The following NDUFAF7 variants were observed in gnomAD, a reference collection of about 807,000 sequenced individuals.
NDUFAF7 encodes the protein NADH:ubiquinone oxidoreductase complex assembly factor 7.
In NDUFAF7, 48 loss-of-function variants were observed where a neutral mutation model predicts 47.2. The observed-to-expected ratio is 1.02, with a 90% confidence interval of 0.81 to 1.29. The LOEUF is 1.29. NDUFAF7 is among the 50% of genes most tolerant of loss of function. The pLI is 0.00. For missense variants in NDUFAF7, 635 were observed against 537.6 expected (o/e 1.18, Z -1.79); for synonymous variants, 217 against 190.0 (o/e 1.14, Z -1.17).
chr2:37,232,359 C>T lies in NDUFAF7; in HGVS notation c.216+93C>T, dbSNP rs559100491. ...GAAGCCCGAAGGTTCTCAGCCCAGGCAGTGGGGGTGCCTGCCAGGGGAAGA... is the reference window on the plus strand; with the variant it reads ...GAAGCCCGAAGGTTCTCAGCCCAGGTAGTGGGGGTGCCTGCCAGGGGAAGA... On this transcript the variant is annotated intron_variant, in intron 2 of 9. Coordinates refer to ENST00000002125, the MANE Select transcript of NDUFAF7 (RefSeq NM_144736.5). 8 of 1,522,596 alleles carry T rather than the reference C, an allele frequency of 5.3e-6. No individual in the cohort carries two copies. In the Admixed American group the frequency reaches 1.2e-4, roughly 22 times the overall value. The allele number at this position is 1,522,596 out of a possible 1,614,324, so 94.3% of individuals were successfully genotyped here. A position where few individuals can be genotyped will look rare whatever the true frequency, so the allele number is the denominator to read the frequency against.
chr2:37,254,103 TTTA>T (rs757353452), downstream of NDUFAF7: 2 of 849,310 alleles, frequency 2.4e-6, no homozygotes, highest in Non-Finnish European at 3.9e-6. Context: ...TAAGAGCACT[TTTA>T]TTATTCTGCT....
intron 8 of NDUFAF7, 71 bp from the exon 9 acceptor site, chr2:37,247,384 CT>C (rs768863321): frequency 2.6e-6 from 4 of 1,515,454 alleles, no homozygotes; most frequent in Non-Finnish European, 3.7e-6. Context: ...TATTAAATAA[CT>C]TTAATATGAT....
chr2:37,269,433 A>G, the NDUFAF7 span: 9 of 584,808 alleles, frequency 1.5e-5, no homozygotes, highest in East Asian at 1.7e-4. Flanking sequence ...AAAGTTTGCA[A>G]TGACATTAAG....
In NDUFAF7 at chr2:37,243,850, A is replaced by G; in HGVS notation, c.682-13A>G. 4 of 1,611,348 alleles carry G rather than the reference A, an allele frequency of 2.5e-6. No individual in the cohort carries two copies. The highest frequency in any genetic ancestry group is 3.4e-6 in the Non-Finnish European group (4 of 1,177,824). ...TTGCAAAAATTTGTTTTTATGTGTT[A>G]TTTTGTGTTTAGAAAACACCACAGG... On this transcript the variant is annotated splice_polypyrimidine_tract_variant and intron_variant, in intron 6 of 9. Coordinates refer to ENST00000002125, the MANE Select transcript of NDUFAF7 (RefSeq NM_144736.5).
chr2:37,247,023 T>C (rs1394344242), intron 8 of NDUFAF7, among the ~76,000 whole-genome samples: 1 of 152,132 alleles, frequency 6.6e-6, no homozygotes, highest in African/African-American at 2.4e-5. Flanking sequence ...ACTCAGTAGA[T>C]AGATTTTCAG....
intron 2 of NDUFAF7, among the ~76,000 whole-genome samples, chr2:37,234,825 A>T (rs1303240994): frequency 2.0e-5 from 3 of 152,102 alleles, no homozygotes; most frequent in Non-Finnish European, 4.4e-5. Flanking sequence ...GAGTCCCCAG[A>T]TTAGGTTAGA....
chr2:37,241,722 T>G lies in NDUFAF7; in HGVS notation c.553T>G (p.Tyr185Asp), dbSNP rs746730100. The G allele has an allele frequency of 3.1e-6, 5 of 1,614,040 alleles. No homozygotes were observed. The East Asian group carries it at 1.1e-4, about 36-fold the overall frequency. ...AGAGCGAAATGCTGGATCCCCAGTG[T>G]ATATGAAAGGTGTCACTAAGTCTGG... is the stretch of plus-strand genomic sequence containing the variant. Reference protein sequence around the residue: ...PLERNAGSPVYMKGVTKSGIP... With the variant: ...PLERNAGSPVDMKGVTKSGIP... Residue 185 changes from tyrosine to aspartate, a missense_variant, in exon 5 of 10, where the codon TAT becomes GAT. By Grantham distance (160) the Tyr-to-Asp change is radical. Coordinates refer to ENST00000002125, the MANE Select transcript of NDUFAF7 (RefSeq NM_144736.5).
At chr2:37,262,479 C>T in the NDUFAF7 span, among the ~76,000 whole-genome samples, 1 of 151,958 alleles carries the variant, frequency 6.6e-6, no homozygotes. Context: ...CATTTTAAAC[C>T]CATTTTATGA....
At chr2:37,243,828 C>T (rs770057984) in intron 6 of NDUFAF7, 35 bp from the exon 7 acceptor site, 1 of 1,569,786 alleles carries the variant, frequency 6.4e-7, no homozygotes, top group African/African-American at 1.3e-5. Context: ...AACAAACTTG[C>T]AAAAATTTGT....
chr2:37,245,933 A>G lies in NDUFAF7; in HGVS notation c.793-119A>G, dbSNP rs1439077414. ...AGTTGAGTGTAGAGAACATACTCAT[A>G]TTAAGAATTTATTTTTATTAAAACT... is the stretch of plus-strand genomic sequence containing the variant. On this transcript the variant is annotated intron_variant, in intron 7 of 9. Transcript: ENST00000002125. 3.5e-6 allele frequency: 4 copies of G among 1,156,534 alleles called. No individual in the cohort carries two copies. In the South Asian group the frequency reaches 4.2e-5, roughly 12 times the overall value. The allele number at this position is 1,156,534 out of a possible 1,614,324, so 71.6% of individuals were successfully genotyped here.
rs1267901288 is a variant in NDUFAF7, at chr2:37,244,081, C to T, written c.792+108C>T. ...TAGAGTTCCTTTACAGGAAGAGTTG[C>T]TAGTAGCATACGAGGTGCTTTTTAT... On this transcript the variant is annotated intron_variant, in intron 7 of 9. Coordinates refer to ENST00000002125, the MANE Select transcript of NDUFAF7 (RefSeq NM_144736.5). The T allele has an allele frequency of 3.2e-6, 3 of 941,928 alleles. No homozygotes were observed. The East Asian group carries it at 7.9e-5, about 25-fold the overall frequency. 58.3% of individuals were successfully genotyped at this position (941,928 alleles called of 1,614,324 possible).
intron 6 of NDUFAF7, 127 bp from the exon 7 acceptor site, chr2:37,243,736 T>C: frequency 1.4e-6 from 1 of 717,372 alleles, no homozygotes; most frequent in Non-Finnish European, 2.5e-6. Context: ...ATTTAAGTAA[T>C]TTTAAATAGT....
downstream of NDUFAF7, among the ~76,000 whole-genome samples, chr2:37,254,694 T>C (rs1667795940): frequency 6.6e-6 from 1 of 152,122 alleles, no homozygotes; most frequent in South Asian, 2.1e-4. Flanking sequence ...GTATTAACTA[T>C]TATTATTTGA....
At chr2:37,263,946 C>G in the NDUFAF7 span, among the ~76,000 whole-genome samples, 1 of 152,140 alleles carries the variant, frequency 6.6e-6, no homozygotes, top group East Asian at 1.9e-4. Flanking sequence ...ATGTTCAAAC[C>G]AGAAATTTCC....
chr2:37,249,735 C>CAT (rs1328678277), downstream of NDUFAF7, among the ~76,000 whole-genome samples: 2 of 151,024 alleles, frequency 1.3e-5, no homozygotes, highest in Non-Finnish European at 2.9e-5. Context: ...ATTATGTTTT[C>CAT]ATTTTTTGGT....
chr2:37,257,808 T>C (rs1031881238), downstream of NDUFAF7, among the ~76,000 whole-genome samples: 2 of 152,196 alleles, frequency 1.3e-5, no homozygotes, highest in East Asian at 3.9e-4. Context: ...TAATTTTAAA[T>C]GGGGACACCA....
chr2:37,259,331 A>G, the NDUFAF7 span, among the ~76,000 whole-genome samples: 1 of 152,218 alleles, frequency 6.6e-6, no homozygotes. Context: ...CTTCGTTCCC[A>G]GCCCCTGGGG....
At chr2:37,260,087 T>A in the NDUFAF7 span, 1 of 745,082 alleles carries the variant, frequency 1.3e-6, no homozygotes, top group South Asian at 2.0e-5. Context: ...ATCACTTGAA[T>A]CCAGGAGGCA....
rs944199455 is a variant in NDUFAF7 at position 37,246,067 on chromosome 2, G to A, written c.808G>A (p.Asp270Asn). 3.7e-6 allele frequency: 6 copies of A among 1,613,732 alleles called. No homozygotes were observed. Among genetic ancestry groups the A allele is most frequent in the Non-Finnish European group, 4.2e-6 (5 of 1,179,850 alleles). The change falls in exon 8 of 10, where the codon GAT (aspartate) becomes AAT (asparagine). Residue 270 changes from aspartate to asparagine, a missense_variant. Transcript: ENST00000002125. ...CCTTTACTAGCATGACGAAACAAGGGATCATGTTGAAGTGTGTCCTGATGC... is the reference window on the plus strand; with the variant it reads ...CCTTTACTAGCATGACGAAACAAGGAATCATGTTGAAGTGTGTCCTGATGC... ...EAFIQHDETR[D>N]HVEVCPDAGV...
Sources: gnomAD v4.1 joint callset for allele counts (sites outside exome capture counted in the v4.1 genomes callset) on GRCh38, gnomAD v4.1.1 for gene constraint, MANE v1.5 for transcripts, NCBI Gene and HGNC (gene_info 2026-07-23, HGNC 2026-07-21) for gene names.